The following CNGB3 variants were observed in gnomAD, a reference collection of about 807,000 sequenced individuals.
CNGB3 encodes cyclic nucleotide gated channel subunit beta 3, also known as cyclic nucleotide-gated channel beta-3.
In CNGB3, 86 loss-of-function variants were observed where a neutral mutation model predicts 92.8. The observed-to-expected ratio is 0.93, with a 90% CI of 0.78 to 1.11. CNGB3 has a LOEUF of 1.11. Among genes scored for constraint, CNGB3 ranks in the 50% least tolerant of loss-of-function variants. The pLI, the probability that CNGB3 is intolerant of heterozygous loss-of-function variation, is 0.00. For missense variants in CNGB3, 1,026 were observed against 956.8 expected, an observed-to-expected ratio of 1.07 and a Z score of -0.95; for synonymous variants, 333 against 332.7, an observed-to-expected ratio of 1.00 and a Z score of -0.01.
chr8:86,607,483 A>G (rs1822432925), intron 14 of CNGB3, among the ~76,000 whole-genome samples: 1 of 152,160 alleles, frequency 6.6e-6, no homozygotes, highest in Non-Finnish European at 1.5e-5. Context: ...TGAGGGCTTT[A>G]TGACACTCAA....
chr8:86,694,997 C>A (rs1202584341), intron 3 of CNGB3, among the ~76,000 whole-genome samples: 2 of 152,198 alleles, frequency 1.3e-5, no homozygotes, highest in Non-Finnish European at 2.9e-5. Flanking sequence ...TGCACTCCAG[C>A]CTGGGCATCA....
intron 3 of CNGB3, among the ~76,000 whole-genome samples, chr8:86,686,733 T>C (rs1198965191): frequency 1.3e-5 from 2 of 152,012 alleles, no homozygotes; most frequent in African/African-American, 4.8e-5. Context: ...ACTCAGGTGA[T>C]AAGGTACTTG....
intron 6 of CNGB3, chr8:86,658,234 A>G: frequency 1.8e-6 from 1 of 558,018 alleles, no homozygotes; most frequent in Non-Finnish European, 3.3e-6. Flanking sequence ...CCACGTGGCC[A>G]TGCCTGCTCC....
intron 3 of CNGB3, among the ~76,000 whole-genome samples, chr8:86,700,780 A>G (rs1824540840): frequency 6.6e-6 from 1 of 152,112 alleles, no homozygotes; most frequent in South Asian, 2.1e-4. Context: ...CTGGGATTAT[A>G]GACTGTGCCA....
intron 10 of CNGB3, among the ~76,000 whole-genome samples, chr8:86,638,109 A>G (rs1823109994): frequency 6.6e-6 from 1 of 152,020 alleles, no homozygotes; most frequent in South Asian, 2.1e-4. Flanking sequence ...CAGTTTGTTT[A>G]TTTATTCACC....
At chr8:86,661,821 T>C (rs1006694290) in intron 6 of CNGB3, 41 of 1,537,372 alleles carry the variant, frequency 2.7e-5, no homozygotes, top group African/African-American at 1.4e-4. Context: ...ACGAAGGTAA[T>C]TGTTGTTCTC....
At chr8:86,676,024 G>A (rs1426423046) in intron 3 of CNGB3, among the ~76,000 whole-genome samples, 1 of 152,112 alleles carries the variant, frequency 6.6e-6, no homozygotes, top group East Asian at 1.9e-4. Context: ...CTGTGAAAAG[G>A]AAGATAGGAA....
intron 3 of CNGB3, among the ~76,000 whole-genome samples, chr8:86,718,153 A>C (rs777718038): frequency 1.4e-4 from 21 of 152,152 alleles, no homozygotes; most frequent in Non-Finnish European, 2.2e-4. Flanking sequence ...GAAGAAAAGA[A>C]ATAACCAAGA....
rs2131607981 is a variant in CNGB3 at position 86,659,424 on chromosome 8, C to A, written c.853-5362G>T. The A allele has an allele frequency of 5.9e-6, 4 of 680,144 alleles. No homozygotes were observed. The South Asian group carries it at 6.3e-5, about 11-fold the overall frequency. The allele number at this position is 680,144 out of a possible 1,614,324, so 42.1% of individuals were successfully genotyped here. A position where few individuals can be genotyped will look rare whatever the true frequency, so the allele number is the denominator to read the frequency against. ...CTCTCCAGCTTCTTTTGCAGATCCT[C>A]CAAGTTGAGCTGGATTCCTGACTTC... On this transcript the variant is annotated intron_variant, in intron 6 of 17. Coordinates refer to ENST00000320005, the MANE Select transcript of CNGB3 (RefSeq NM_019098.5).
Position 86,574,770 on chromosome 8 carries a change from G to T in CNGB3, c.*1034C>A, listed in dbSNP as rs1201939489. ...AGCCTCCTCACAGCATGCAACGTCG[G>T]TAATTATGCTAATGCTAGCTAATTC... On this transcript the variant is annotated 3_prime_UTR_variant, in exon 18 of 18. Coordinates refer to ENST00000320005, the MANE Select transcript of CNGB3 (RefSeq NM_019098.5). 6.6e-6 allele frequency: 1 copy of T among 152,144 alleles called. No individual in the cohort carries two copies. Among genetic ancestry groups the T allele is most frequent in the Non-Finnish European group, 1.5e-5 (1 of 68,028 alleles). The allele number at this position is 152,144 out of a possible 1,614,324, so 9.4% of individuals were successfully genotyped here. A position where few individuals can be genotyped will look rare whatever the true frequency, so the allele number is the denominator to read the frequency against.
chr8:86,632,714 G>T, intron 11 of CNGB3, 38 bp downstream of exon 11: 1 of 1,605,312 alleles, frequency 6.2e-7, no homozygotes, highest in South Asian at 1.1e-5. Context: ...CTTTCAAAAT[G>T]ACAGCACTGT....
chr8:86,702,089 A>G (rs544373671), intron 3 of CNGB3, among the ~76,000 whole-genome samples: 4 of 152,230 alleles, frequency 2.6e-5, no homozygotes, highest in African/African-American at 9.6e-5. Flanking sequence ...AATATATGCT[A>G]TAAGAAGTTC....
chr8:86,694,152 G>A (rs1417844988), intron 3 of CNGB3, among the ~76,000 whole-genome samples: 7 of 134,512 alleles, frequency 5.2e-5, no homozygotes, highest in Admixed American at 1.4e-4. Flanking sequence ...CCTCCTGGAC[G>A]GGGCGGCTGG....
In CNGB3 at chr8:86,727,296, G is replaced by A. The variant is rs115273514; in HGVS notation, c.212-639C>T. 8.7e-3 allele frequency among the ~76,000 whole-genome samples: 1,316 copies of A among 152,120 alleles called. 24 individuals are homozygous for A. The highest frequency in any genetic ancestry group is 0.03 in the African/African-American group (1,256 of 41,506). On this transcript the variant is annotated intron_variant, in intron 2 of 17. Coordinates refer to ENST00000320005, the MANE Select transcript of CNGB3 (RefSeq NM_019098.5). The stretch of plus-strand genomic sequence containing the variant: ...AGAATAAGAATTTATTATTCAGAAG[G>A]CATTTCCAGTTTTGCTAAAGTATTC...
chr8:86,635,121 C>A (rs1401803509), intron 10 of CNGB3, among the ~76,000 whole-genome samples: 3 of 151,970 alleles, frequency 2.0e-5, no homozygotes, highest in Non-Finnish European at 2.9e-5. Context: ...TCATAGTGAA[C>A]TTGATGTCAA....
chr8:86,621,989 T>C (rs866635657), intron 13 of CNGB3, among the ~76,000 whole-genome samples: 1 of 152,136 alleles, frequency 6.6e-6, no homozygotes, highest in Non-Finnish European at 1.5e-5. Flanking sequence ...CAGGTTGCAG[T>C]GAGCCGAGAT....
chr8:86,726,541 C>T lies in CNGB3; in HGVS notation c.328G>A (p.Gly110Ser), dbSNP rs1429412398. Residue 110 changes from glycine to serine, a missense_variant, in exon 3 of 18, where the codon GGT (glycine) becomes AGT (serine). By Grantham distance (56) the Gly-to-Ser change is moderately conservative (BLOSUM62 0). Transcript: ENST00000320005. Reference sequence around the variant, plus strand: ...TTATTAAATGCTCACCTGTTTGGACCTTCTTTCCCGGGGTCCATTTCCTTC... The same window carrying T: ...TTATTAAATGCTCACCTGTTTGGACTTTCTTTCCCGGGGTCCATTTCCTTC... The part of the protein sequence containing the change: ...EQKEMDPGKE[G>S]PNSPQNKPPA... 1 of 1,613,658 alleles carries T rather than the reference C, an allele frequency of 6.2e-7. No individual in the cohort carries two copies. Among genetic ancestry groups the T allele is most frequent in the Non-Finnish European group, 8.5e-7 (1 of 1,179,770 alleles).
intron 13 of CNGB3, among the ~76,000 whole-genome samples, chr8:86,612,861 T>G (rs1193371821): frequency 6.6e-6 from 1 of 152,162 alleles, no homozygotes; most frequent in Non-Finnish European, 1.5e-5. Context: ...TGAGAAGCTG[T>G]TTTGAGCAAG....
At chr8:86,703,865 TA>T (rs1233258367) in intron 3 of CNGB3, 1 of 152,178 alleles carries the variant, frequency 6.6e-6, no homozygotes, top group African/African-American at 2.4e-5. Flanking sequence ...TATTTTGTGA[TA>T]TTTTTCAAAT....
Sources: gnomAD v4.1 joint callset for allele counts (sites outside exome capture counted in the v4.1 genomes callset) on GRCh38, gnomAD v4.1.1 for gene constraint, MANE v1.5 for transcripts, NCBI Gene and HGNC (gene_info 2026-07-23, HGNC 2026-07-21) for gene names.